ESR1: variants seen among roughly 807,000 people sequenced by gnomAD.
ESR1 encodes estrogen receptor.
ESR1 carries 12 observed loss-of-function variants against 52.7 expected under a neutral mutation model. That is an observed-to-expected ratio of 0.23 (90% confidence interval 0.15 to 0.37). The LOEUF (loss-of-function observed/expected upper bound fraction) is 0.37, where lower values mean the gene tolerates loss of function less well. Among genes scored for constraint, ESR1 ranks in the 10% least tolerant of loss-of-function variants. The pLI is 1.00. For synonymous variants in ESR1, 305 were observed against 316.8 expected, an observed-to-expected ratio of 0.96 and a Z score of 0.39; for missense variants, 584 against 779.7, an observed-to-expected ratio of 0.75 and a Z score of 2.99.
chr6:151,812,866 C>A (rs1036632428), intron 1 of ESR1, among the ~76,000 whole-genome samples: 1 of 151,578 alleles, frequency 6.6e-6, no homozygotes, highest in Non-Finnish European at 1.5e-5. Flanking sequence ...CCAGCCAAAG[C>A]GAAAGTGTAA....
chr6:152,127,790 A>G (rs2054026778), exon 7 of ESR1: 1 of 152,250 alleles, frequency 6.6e-6, no homozygotes, highest in African/African-American at 2.4e-5. Flanking sequence ...TCTACAAGAA[A>G]CTGAGTAGTG....
rs953522881 is a variant in ESR1, at chr6:151,733,774, C to T, written c.-71+31769C>T. Among the ~76,000 whole-genome samples, 6 of 151,984 alleles carry T rather than the reference C, an allele frequency of 3.9e-5. No individual in the cohort carries two copies. The East Asian group carries it at 5.8e-4, about 15-fold the overall frequency. ...CAATGATGTGAAGAATTTTGCTGCC[C>T]CCAGTATTAGGATTTTTTTTCTTCT... On this transcript the variant is annotated intron_variant, in intron 2 of 2. Coordinates refer to the ESR1 transcript ENST00000404742.
At chr6:151,682,646 T>TA in intron 1 of ESR1, among the ~76,000 whole-genome samples, 1 of 152,350 alleles carries the variant, frequency 6.6e-6, no homozygotes, top group South Asian at 2.1e-4. Flanking sequence ...ATCAGAATAG[T>TA]ATACGTGGAA....
chr6:151,769,540 A>T (rs1204144037), intron 2 of ESR1, among the ~76,000 whole-genome samples: 1 of 152,168 alleles, frequency 6.6e-6, no homozygotes, highest in Non-Finnish European at 1.5e-5. Flanking sequence ...TTTGTAATTG[A>T]CAGAGTTGGT....
At chr6:152,003,297 A>G (rs771243097) in intron 4 of ESR1, among the ~76,000 whole-genome samples, 2 of 151,710 alleles carry the variant, frequency 1.3e-5, no homozygotes, top group Non-Finnish European at 2.9e-5. Context: ...CTCACCTGTC[A>G]TCAAACAACT....
chr6:151,802,173 T>C (rs1777316505), upstream of ESR1, among the ~76,000 whole-genome samples: 2 of 152,134 alleles, frequency 1.3e-5, no homozygotes, highest in South Asian at 2.1e-4. Context: ...AAACAAAAAC[T>C]CAAGGTCAGG....
At chr6:151,901,313 G>C (rs1317178374) in intron 3 of ESR1, among the ~76,000 whole-genome samples, 1 of 152,220 alleles carries the variant, frequency 6.6e-6, no homozygotes, top group Non-Finnish European at 1.5e-5. Context: ...CATCAAGTTT[G>C]TTTGCAGGCA....
At chr6:151,714,169 C>T (rs538979087) in intron 2 of ESR1, among the ~76,000 whole-genome samples, 1 of 152,242 alleles carries the variant, frequency 6.6e-6, no homozygotes, top group East Asian at 1.9e-4. Flanking sequence ...TTTCTTAATC[C>T]TGAGTTCTAA....
chr6:151,834,104 T>G (rs2128219640), intron 1 of ESR1, among the ~76,000 whole-genome samples: 1 of 152,120 alleles, frequency 6.6e-6, no homozygotes, highest in East Asian at 1.9e-4. Context: ...TTGGTGGGAG[T>G]GTAAATTAGT....
At chr6:151,709,797 G>C (rs1475475953) in intron 2 of ESR1, among the ~76,000 whole-genome samples, 20 of 148,192 alleles carry the variant, frequency 1.3e-4, no homozygotes, top group Admixed American at 1.3e-3. Flanking sequence ...TTTCTCCTTT[G>C]ATTTTACTTT....
intron 4 of ESR1, among the ~76,000 whole-genome samples, chr6:151,958,845 T>C (rs1215670914): frequency 6.6e-6 from 1 of 152,236 alleles, no homozygotes; most frequent in Non-Finnish European, 1.5e-5. Context: ...GCCTCAGTGC[T>C]GGTTGCGAGC....
At chr6:151,806,716 G>T (rs1186161038), upstream of ESR1, among the ~76,000 whole-genome samples, 7 of 151,968 alleles carry the variant, frequency 4.6e-5, no homozygotes, top group Non-Finnish European at 8.8e-5. Flanking sequence ...TAGACATGCA[G>T]AAATGCATTT....
chr6:151,974,815 C>T (rs1167409044), intron 4 of ESR1, among the ~76,000 whole-genome samples: 2 of 152,152 alleles, frequency 1.3e-5, no homozygotes, highest in Admixed American at 1.3e-4. Flanking sequence ...GGGTGTTGAT[C>T]CCCAAAGCCG....
intron 2 of ESR1, among the ~76,000 whole-genome samples, chr6:151,873,196 T>G (rs1194022770): frequency 6.6e-6 from 1 of 152,194 alleles, no homozygotes; most frequent in African/African-American, 2.4e-5. Context: ...GCATAAGAGT[T>G]CAGCTTCTGG....
At chr6:151,747,844 A>C (rs1783596667) in intron 2 of ESR1, among the ~76,000 whole-genome samples, 1 of 152,156 alleles carries the variant, frequency 6.6e-6, no homozygotes, top group Non-Finnish European at 1.5e-5. Flanking sequence ...ATAAGACTTC[A>C]TTGTATGGAT....
chr6:151,917,525 A>G (rs574480731), intron 3 of ESR1, among the ~76,000 whole-genome samples: 3 of 152,334 alleles, frequency 2.0e-5, no homozygotes, highest in South Asian at 4.1e-4. Context: ...AAGAGTGAAC[A>G]TTATAGTTTT....
intron 1 of ESR1, among the ~76,000 whole-genome samples, chr6:151,833,319 A>G (rs1446172510): frequency 6.6e-6 from 1 of 152,206 alleles, no homozygotes; most frequent in African/African-American, 2.4e-5. Context: ...CATGGACTTC[A>G]AGAGACCTGT....
rs559894949 is a variant in ESR1 at position 152,042,441 on chromosome 6, T to C, written c.1236-18550T>C. On this transcript the variant is annotated intron_variant, in intron 5 of 7. Coordinates refer to ENST00000206249, the MANE Select transcript of ESR1 (RefSeq NM_000125.4). The stretch of plus-strand genomic sequence containing the variant: ...ACGTCAGCTCAGAGCCAGTGTCCAG[T>C]TGTCCCTGAAATGTCTGATTATTTC... Among the ~76,000 whole-genome samples the C allele has an allele frequency of 2.6e-4, 39 of 152,320 alleles. 2 individuals are homozygous for C. Among genetic ancestry groups the C allele is most frequent in the East Asian group, 2.3e-3 (12 of 5,178 alleles).
chr6:151,851,128 C>T (rs1786620030), intron 2 of ESR1, among the ~76,000 whole-genome samples: 1 of 152,162 alleles, frequency 6.6e-6, no homozygotes, highest in Admixed American at 6.5e-5. Context: ...ATTTTAAAGT[C>T]ACCATTTTTA....
Sources: gnomAD v4.1 joint callset for allele counts (sites outside exome capture counted in the v4.1 genomes callset) on GRCh38, gnomAD v4.1.1 for gene constraint, MANE v1.5 for transcripts, NCBI Gene and HGNC (gene_info 2026-07-23, HGNC 2026-07-21) for gene names.